Variants in HDAC9 observed in about 807,000 individuals in gnomAD.
HDAC9 encodes the protein MEF-2 interacting transcription repressor (MITR) protein.
Under a neutral mutation model 139.4 loss-of-function variants are expected in HDAC9, and 41 were observed. The ratio of observed to expected loss-of-function variants is 0.29; its 90% CI spans 0.23 to 0.38. The LOEUF is 0.38. Among genes scored for constraint, HDAC9 ranks in the 10% least tolerant of loss-of-function variants. The probability of loss-of-function intolerance (pLI) is 1.00; values close to 1 mark genes in which losing one functional copy is unlikely to be tolerated. For missense variants in HDAC9, 1,147 were observed against 1,297.0 expected, an observed-to-expected ratio of 0.88 and a Z score of 1.78; for synonymous variants, 517 against 476.2, an observed-to-expected ratio of 1.09 and a Z score of -1.12.
intron 21 of HDAC9, among the ~76,000 whole-genome samples, chr7:18,848,302 G>A (rs76884659): frequency 1.3e-5 from 2 of 152,160 alleles, no homozygotes; most frequent in African/African-American, 2.4e-5. Context: ...AAGTATGTAT[G>A]TTTTTCATTA....
chr7:18,932,844 G>GA (rs1365760750), intron 22 of HDAC9, among the ~76,000 whole-genome samples: 1 of 139,786 alleles, frequency 7.2e-6, no homozygotes, highest in Non-Finnish European at 1.5e-5. Context: ...AGGAAGGAAG[G>GA]AAAAAAAGAA....
chr7:18,432,547 C>A (rs979771072), intron 1 of HDAC9, among the ~76,000 whole-genome samples: 2 of 152,194 alleles, frequency 1.3e-5, no homozygotes, highest in Non-Finnish European at 1.5e-5. Context: ...TTTGTTAAAG[C>A]ATTCTCATGC....
At position 18,496,006 on chromosome 7, in the gene HDAC9, T is replaced by C. The variant is rs2128139201; in HGVS notation, c.-59T>C. 1 of 1,414,178 alleles carries C rather than the reference T, an allele frequency of 7.1e-7. No homozygotes were observed. Among genetic ancestry groups the C allele is most frequent in the Admixed American group, 2.9e-5 (1 of 34,202 alleles). 87.6% of individuals were successfully genotyped at this position (1,414,178 alleles called of 1,614,324 possible). ...GAGAGCTATAGCATCCACTCTGTCCTTTCTGCTTTGCACACAGGTTGGTAA... is the reference window on the plus strand; with the variant it reads ...GAGAGCTATAGCATCCACTCTGTCCCTTCTGCTTTGCACACAGGTTGGTAA... On this transcript the variant is annotated 5_prime_UTR_variant, in exon 1 of 26. Transcript: ENST00000686413.
At chr7:18,096,077 G>A (rs745551777) in intron 1 of HDAC9, among the ~76,000 whole-genome samples, 11 of 152,024 alleles carry the variant, frequency 7.2e-5, no homozygotes, top group East Asian at 1.9e-4. Context: ...ACATCTTTTC[G>A]TTCCCTTGAA....
chr7:18,700,910 C>T (rs763136630), intron 12 of HDAC9, among the ~76,000 whole-genome samples: 4 of 152,122 alleles, frequency 2.6e-5, no homozygotes, highest in African/African-American at 7.2e-5. Context: ...TCACATCCCA[C>T]GGCCAAGCTC....
intron 17 of HDAC9, among the ~76,000 whole-genome samples, chr7:18,794,036 ACCCCAGCGTTTCCCAGT>A (rs1792564775): frequency 6.6e-6 from 1 of 152,200 alleles, no homozygotes. Flanking sequence ...CAATGTCCAA[ACCCCAGCGTTTCCCAGT>A]CTAAACAATT....
chr7:18,859,811 C>CATAT (rs56249427), intron 21 of HDAC9, among the ~76,000 whole-genome samples: 1,614 of 44,660 alleles, frequency 0.036, 51 homozygotes, highest in Non-Finnish European at 0.051. Flanking sequence ...CTAACGCTCT[C>CATAT]ATATATATAT....
chr7:18,594,090 T>A, intron 6 of HDAC9, 61 bp downstream of exon 6: 9 of 1,573,804 alleles, frequency 5.7e-6, no homozygotes, highest in Middle Eastern at 1.7e-4. Context: ...AGTTTCATTT[T>A]GCCACACCTC....
chr7:18,893,045 A>AAAAG (rs1800830295), intron 22 of HDAC9, among the ~76,000 whole-genome samples: 1 of 149,630 alleles, frequency 6.7e-6, no homozygotes, highest in Non-Finnish European at 1.5e-5. Flanking sequence ...AAAAAAAAAA[A>AAAAG]AAAAAAAAAG....
At chr7:18,542,158 C>G (rs1199514330) in intron 2 of HDAC9, among the ~76,000 whole-genome samples, 1 of 152,118 alleles carries the variant, frequency 6.6e-6, no homozygotes, top group African/African-American at 2.4e-5. Flanking sequence ...TATTCACGAA[C>G]CACTGATCTC....
chr7:18,623,511 A>G (rs747031113), intron 6 of HDAC9, among the ~76,000 whole-genome samples: 32 of 150,138 alleles, frequency 2.1e-4, no homozygotes, highest in African/African-American at 6.6e-4. Flanking sequence ...GTAATGAACA[A>G]TTTTTTTTTT....
At chr7:18,528,595 T>C (rs766612970) in intron 2 of HDAC9, among the ~76,000 whole-genome samples, 7 of 152,136 alleles carry the variant, frequency 4.6e-5, no homozygotes, top group Non-Finnish European at 8.8e-5. Flanking sequence ...CATAATTATG[T>C]ACCAGAATAA....
At chr7:18,807,681 C>T (rs1157694859) in intron 17 of HDAC9, among the ~76,000 whole-genome samples, 3 of 151,978 alleles carry the variant, frequency 2.0e-5, no homozygotes, top group Non-Finnish European at 4.4e-5. Context: ...CTTATTTGAC[C>T]CATTGGTTTC....
intron 1 of HDAC9, among the ~76,000 whole-genome samples, chr7:18,379,208 G>A (rs555836370): frequency 6.6e-6 from 1 of 152,278 alleles, no homozygotes; most frequent in Admixed American, 6.5e-5. Context: ...ATTATTTTTA[G>A]TATGTCATCA....
At chr7:18,246,943 A>G (rs1164744309) in intron 2 of HDAC9, among the ~76,000 whole-genome samples, 1 of 152,116 alleles carries the variant, frequency 6.6e-6, no homozygotes, top group Non-Finnish European at 1.5e-5. Flanking sequence ...AATTTGCTGT[A>G]GGCTTGGATT....
At chr7:18,383,040 TA>T in intron 1 of HDAC9, among the ~76,000 whole-genome samples, 1 of 152,330 alleles carries the variant, frequency 6.6e-6, no homozygotes, top group Non-Finnish European at 1.5e-5. Flanking sequence ...TTCATACTTT[TA>T]AAATAAATGT....
intron 21 of HDAC9, among the ~76,000 whole-genome samples, chr7:18,842,661 A>G (rs1043340385): frequency 6.6e-6 from 1 of 152,148 alleles, no homozygotes; most frequent in Non-Finnish European, 1.5e-5. Flanking sequence ...TTCAGCTTCA[A>G]AAATAAATAT....
intron 13 of HDAC9, 95 bp from the exon 14 acceptor site, chr7:18,748,910 T>C: frequency 1.7e-6 from 2 of 1,155,620 alleles, no homozygotes; most frequent in South Asian, 1.6e-5. Flanking sequence ...ATTTTAAGAA[T>C]AATGACTTTT....
At chr7:18,627,627 C>T (rs1273205295) in intron 6 of HDAC9, among the ~76,000 whole-genome samples, 1 of 152,048 alleles carries the variant, frequency 6.6e-6, no homozygotes, top group African/African-American at 2.4e-5. Flanking sequence ...AAGTGTGTTG[C>T]CACTACTGGA....
Sources: allele counts gnomAD v4.1 joint callset (sites outside exome capture counted in the v4.1 genomes callset), GRCh38; gene constraint gnomAD v4.1.1; transcripts MANE v1.5; gene names NCBI Gene and HGNC (gene_info 2026-07-23, HGNC 2026-07-21).